The following STK32C variants were observed in gnomAD, a reference collection of about 807,000 sequenced individuals.
STK32C encodes serine/threonine kinase 32C.
Under a neutral mutation model 56.5 loss-of-function variants are expected in STK32C, and 31 were observed. The observed-to-expected ratio is 0.55, with a 90% CI of 0.41 to 0.74. The LOEUF (loss-of-function observed/expected upper bound fraction) is 0.74. STK32C is among the 30% of genes least tolerant of loss of function. The pLI is 0.00. For synonymous variants in STK32C, 309 were observed against 289.4 expected, an observed-to-expected ratio of 1.07 and a Z score of -0.69; for missense variants, 544 against 676.9, an observed-to-expected ratio of 0.80 and a Z score of 2.18.
At chr10:132,267,211 C>A (rs2064570946) in intron 1 of STK32C, among the ~76,000 whole-genome samples, 1 of 152,252 alleles carries the variant, frequency 6.6e-6, no homozygotes, top group Admixed American at 6.5e-5. Flanking sequence ...AAGCAGCAAG[C>A]CCAGTGTGGG....
At chr10:132,225,662 C>T in intron 5 of STK32C, 46 bp from the exon 6 acceptor site, 4 of 1,608,284 alleles carry the variant, frequency 2.5e-6, no homozygotes, top group Non-Finnish European at 3.4e-6. Context: ...ACCAGAGATG[C>T]ATCCTTGCGT....
At chr10:132,250,818 C>A (rs940873957) in intron 1 of STK32C, among the ~76,000 whole-genome samples, 5 of 152,224 alleles carry the variant, frequency 3.3e-5, no homozygotes, top group African/African-American at 1.2e-4. Flanking sequence ...AACGTCTGGT[C>A]CCCAGAGAGG....
rs12413251 is a variant in STK32C at position 132,226,863 on chromosome 10, C to T, written c.576G>A (p.Thr192=). The T allele has an allele frequency of 0.069, 111,372 of 1,613,406 alleles. 4,206 individuals carry two copies. Among genetic ancestry groups the T allele is most frequent in the East Asian group, 0.18 (7,863 of 44,880 alleles). The change falls in exon 4 of 12, where the codon ACG becomes ACA. Residue 192 remains threonine, a synonymous_variant. Coordinates refer to ENST00000298630, the MANE Select transcript of STK32C (RefSeq NM_173575.4). ...CCATCTCGCAGATGTACAGCCTCAC[C>T]GTGTCCTCGGAGAACTGCACGTTCT... ...LQQNVQFSED[T]VRLYICEMAL... is the part of the protein sequence containing the mutation.
At chr10:132,279,232 C>T (rs1447940257) in intron 1 of STK32C, among the ~76,000 whole-genome samples, 1 of 152,140 alleles carries the variant, frequency 6.6e-6, no homozygotes, top group African/African-American at 2.4e-5. Context: ...AGTGTAAGAA[C>T]AAAAAGCCCT....
chr10:132,263,228 G>A (rs1265185308), intron 1 of STK32C, among the ~76,000 whole-genome samples: 1 of 152,188 alleles, frequency 6.6e-6, no homozygotes, highest in Non-Finnish European at 1.5e-5. Context: ...AGAAAACGCA[G>A]TACCTATACA....
rs1443192860 is a variant in STK32C, at chr10:132,261,367, T to C, written c.263-15412A>G. 2.0e-5 allele frequency among the ~76,000 whole-genome samples: 3 copies of C among 152,264 alleles called. No individual in the cohort carries two copies. In the East Asian group the frequency reaches 5.8e-4, roughly 29 times the overall value. ...TTCAAGCTGAGAACCAAATCAAGAA[T>C]ACAATCCCATTTACAACAGCCAAAA... On this transcript the variant is annotated intron_variant, in intron 1 of 11. Coordinates refer to ENST00000298630, the MANE Select transcript of STK32C (RefSeq NM_173575.4).
chr10:132,272,353 ATCTGTGAGAGTGCAAGCGGCTGTTG>A (rs2064854622), intron 1 of STK32C, among the ~76,000 whole-genome samples: 1 of 152,214 alleles, frequency 6.6e-6, no homozygotes, highest in East Asian at 1.9e-4. Context: ...CAGCCTCCGG[ATCTGTGAGAGTGCAAGCGGCTGTTG>A]TTTACGCCAC....
Position 132,307,492 on chromosome 10 carries a change from C to T in STK32C, c.262+80G>A, listed in dbSNP as rs1433991365. The T allele has an allele frequency of 6.9e-7, 1 of 1,439,630 alleles. No homozygotes were observed. Among genetic ancestry groups the T allele is most frequent in the South Asian group, 1.3e-5 (1 of 77,330 alleles). 89.2% of individuals were successfully genotyped at this position (1,439,630 alleles called of 1,614,324 possible). ...AGCCGTCCCGGACACCGGGGGAACC[C>T]CTGCGGGAAAAAGCCGCCCAGCCGC... is the stretch of plus-strand genomic sequence containing the variant. On this transcript the variant is annotated intron_variant, in intron 1 of 11. Transcript: ENST00000298630. This position sits in a 1 kb window ranked among gnomAD's most constrained non-coding sequence, Gnocchi z 4.4.
intron 1 of STK32C, among the ~76,000 whole-genome samples, chr10:132,314,199 G>A (rs897313824): frequency 1.3e-5 from 2 of 152,180 alleles, no homozygotes; most frequent in African/African-American, 4.8e-5. Context: ...ACAATTCATC[G>A]CTCATAGCAG....
intron 1 of STK32C, chr10:132,249,188 T>A (rs1218992675): frequency 3.0e-5 from 8 of 266,582 alleles, no homozygotes; most frequent in Non-Finnish European, 5.2e-5. Context: ...GGTCAGGGCG[T>A]GTCAGGGGCG....
At chr10:132,226,146 C>T (rs762526846) in intron 4 of STK32C, among the ~76,000 whole-genome samples, 1 of 152,240 alleles carries the variant, frequency 6.6e-6, no homozygotes, top group Non-Finnish European at 1.5e-5. Flanking sequence ...TTTGTCCCAA[C>T]TTTTCCAGGT....
At chr10:132,317,591 C>A (rs2066330419) in intron 1 of STK32C, among the ~76,000 whole-genome samples, 1 of 152,014 alleles carries the variant, frequency 6.6e-6, no homozygotes, top group Non-Finnish European at 1.5e-5. Flanking sequence ...TAAAAATTCA[C>A]ATGGTGTGGT....
intron 1 of STK32C, among the ~76,000 whole-genome samples, chr10:132,263,308 A>G (rs1177240920): frequency 6.6e-6 from 1 of 152,222 alleles, no homozygotes; most frequent in Non-Finnish European, 1.5e-5. Flanking sequence ...ATGCAGCTGG[A>G]GGCCATAATC....
intron 1 of STK32C, 102 bp from the exon 2 acceptor site, chr10:132,246,057 C>A: frequency 2.5e-6 from 3 of 1,191,318 alleles, no homozygotes; most frequent in Admixed American, 1.7e-5. Context: ...CTGCCCAGGG[C>A]CCCTCATCCT....
rs1026224798 is a variant in STK32C, at chr10:132,241,665, A to C, written c.318+4235T>G. Among the ~76,000 whole-genome samples the C allele has an allele frequency of 8.5e-5, 13 of 152,332 alleles. No individual in the cohort carries two copies. The East Asian group carries it at 2.5e-3, about 29-fold the overall frequency. On this transcript the variant is annotated intron_variant, in intron 2 of 11. Coordinates refer to ENST00000298630, the MANE Select transcript of STK32C (RefSeq NM_173575.4). ...CGAAGGAAGAGCCGGCATTTTTGGC[A>C]GAGTGTAGAAGAGGCTCCAGAACAC... is the stretch of plus-strand genomic sequence containing the variant.
chr10:132,297,508 ATT>A (rs1169006797), intron 1 of STK32C, among the ~76,000 whole-genome samples: 3 of 152,046 alleles, frequency 2.0e-5, no homozygotes, highest in Admixed American at 2.0e-4. Context: ...TTCAGAACAG[ATT>A]TTTTTTCCTC....
At chr10:132,220,943 A>G (rs1246966972) in intron 10 of STK32C, among the ~76,000 whole-genome samples, 1 of 152,228 alleles carries the variant, frequency 6.6e-6, no homozygotes, top group Non-Finnish European at 1.5e-5. Context: ...TAGACAGCCA[A>G]TTATCAAGAC....
At chr10:132,318,907 A>G (rs922874067) in intron 1 of STK32C, among the ~76,000 whole-genome samples, 7 of 151,064 alleles carry the variant, frequency 4.6e-5, no homozygotes, top group Non-Finnish European at 1.0e-4. Flanking sequence ...TGGATGTGGC[A>G]GAACTGGAGT....
chr10:132,330,939 A>C (rs2066677657), intron 1 of STK32C, among the ~76,000 whole-genome samples: 1 of 151,342 alleles, frequency 6.6e-6, no homozygotes, highest in Non-Finnish European at 1.5e-5. Context: ...ACGGTGGCTC[A>C]TGCCTGTAAT....
Sources: allele counts gnomAD v4.1 joint callset (sites outside exome capture counted in the v4.1 genomes callset), GRCh38; gene constraint gnomAD v4.1.1; non-coding constraint Gnocchi (gnomAD v3.1); transcripts MANE v1.5; gene names NCBI Gene and HGNC (gene_info 2026-07-23, HGNC 2026-07-21).